Variants in GPBP1L1 observed in about 807,000 individuals in gnomAD.
The protein encoded by GPBP1L1 is GC-rich promoter binding protein 1 like 1, also known as vasculin-like protein 1.
A neutral mutation model predicts 52.5 loss-of-function variants in GPBP1L1; 23 were observed. That is an observed-to-expected ratio of 0.44 (90% confidence interval 0.32 to 0.62). The LOEUF is 0.62. Ranked by LOEUF, GPBP1L1 falls within the 20% of genes least tolerant of loss-of-function variation. The probability of loss-of-function intolerance (pLI) is 0.06; values close to 1 mark genes in which losing one functional copy is unlikely to be tolerated. For synonymous variants in GPBP1L1, 243 were observed against 203.1 expected (o/e 1.20, Z -1.67); for missense variants, 596 against 579.3 (o/e 1.03, Z -0.30).
At chr1:45,644,811 C>T (rs1346121711) in intron 6 of GPBP1L1, among the ~76,000 whole-genome samples, 1 of 152,112 alleles carries the variant, frequency 6.6e-6, no homozygotes, top group Non-Finnish European at 1.5e-5. Flanking sequence ...AAACTGTCAG[C>T]TCAATACAAG....
chr1:45,638,859 G>T (rs977061065), intron 8 of GPBP1L1, among the ~76,000 whole-genome samples: 4 of 152,076 alleles, frequency 2.6e-5, no homozygotes, highest in African/African-American at 9.7e-5. Context: ...TTCTTCCCGG[G>T]TAAGAGAAAA....
chr1:45,637,533 C>CTTTTTTTTTTTTTTTTTTTTTTTTTTTTT (rs1557696848), intron 8 of GPBP1L1, among the ~76,000 whole-genome samples: 5 of 151,934 alleles, frequency 3.3e-5, no homozygotes, highest in East Asian at 1.9e-4. Context: ...GAGCAGCAGC[C>CTTTTTTTTTTTTTTTTTTTTTTTTTTTTT]TTTATATTAG....
intron 6 of GPBP1L1, chr1:45,645,811 C>T (rs1424204424): frequency 7.1e-6 from 3 of 420,562 alleles, no homozygotes; most frequent in Admixed American, 3.1e-5. Flanking sequence ...ATATGTATTG[C>T]ATCCCTAGAA....
intron 2 of GPBP1L1, among the ~76,000 whole-genome samples, chr1:45,662,261 G>T (rs1019664903): frequency 3.9e-5 from 6 of 152,118 alleles, no homozygotes; most frequent in Non-Finnish European, 7.3e-5. Context: ...AGCTTCCCGA[G>T]TAACAAAAAC....
At chr1:45,657,912 A>G (rs1021762016) in intron 4 of GPBP1L1, among the ~76,000 whole-genome samples, 1 of 152,218 alleles carries the variant, frequency 6.6e-6, no homozygotes, top group African/African-American at 2.4e-5. Context: ...TCATGGGTCT[A>G]GATGAGACCA....
At chr1:45,680,073 C>CTG (rs1645194150) in intron 2 of GPBP1L1, among the ~76,000 whole-genome samples, 1 of 152,126 alleles carries the variant, frequency 6.6e-6, no homozygotes, top group Non-Finnish European at 1.5e-5. Flanking sequence ...GAGCAAGACC[C>CTG]TGTCTCTACA....
intron 6 of GPBP1L1, chr1:45,651,137 C>T (rs1158804599): frequency 2.6e-5 from 13 of 500,448 alleles, no homozygotes; most frequent in Non-Finnish European, 4.8e-5. Context: ...CAGATCTCAT[C>T]GTATCTGTCA....
chr1:45,675,306 AAAAT>A (rs1645126138), intron 2 of GPBP1L1, among the ~76,000 whole-genome samples: 1 of 151,998 alleles, frequency 6.6e-6, no homozygotes, highest in Non-Finnish European at 1.5e-5. Flanking sequence ...AAAAAAAATA[AAAAT>A]AAATAAATAA....
chr1:45,646,682 C>T (rs905945277), intron 6 of GPBP1L1, among the ~76,000 whole-genome samples: 7 of 151,848 alleles, frequency 4.6e-5, no homozygotes, highest in African/African-American at 1.5e-4. Flanking sequence ...CACAGCCTCC[C>T]GAGTAGCTAG....
Position 45,654,276 on chromosome 1 carries a change from A to C in GPBP1L1, c.477+267T>G, listed in dbSNP as rs191961079. ...GTACATTTTAACATAATTATATTTG[A>C]GTAAACTTTATAAGACTTAAGAGAA... On this transcript the variant is annotated intron_variant, in intron 6 of 12. Coordinates refer to ENST00000355105, the MANE Select transcript of GPBP1L1 (RefSeq NM_021639.5). 39 of 283,252 alleles carry C rather than the reference A, an allele frequency of 1.4e-4. No homozygotes were observed. The East Asian group carries it at 2.4e-3, about 17-fold the overall frequency. 17.5% of individuals were successfully genotyped at this position (283,252 alleles called of 1,614,324 possible). A position where few individuals can be genotyped will look rare whatever the true frequency, so the allele number is the denominator to read the frequency against.
chr1:45,646,035 T>C (rs1644741179), intron 6 of GPBP1L1: 2 of 504,274 alleles, frequency 4.0e-6, no homozygotes, highest in Admixed American at 2.1e-5. Context: ...AGCTCTGTTA[T>C]CATCAATGAT....
chr1:45,644,783 A>G (rs1200237373), intron 6 of GPBP1L1, among the ~76,000 whole-genome samples: 3 of 152,210 alleles, frequency 2.0e-5, no homozygotes, highest in African/African-American at 7.2e-5. Flanking sequence ...GCTGGCAGAC[A>G]CTGGTGCTCA....
chr1:45,677,138 C>A (rs1358610244), intron 2 of GPBP1L1, among the ~76,000 whole-genome samples: 1 of 151,876 alleles, frequency 6.6e-6, no homozygotes, highest in East Asian at 1.9e-4. Context: ...GAGTTTGAGA[C>A]CAGCTTGGCC....
At chr1:45,647,166 A>ATTTTTTT (rs778113669) in intron 6 of GPBP1L1, among the ~76,000 whole-genome samples, 14 of 112,630 alleles carry the variant, frequency 1.2e-4, no homozygotes, top group Admixed American at 1.9e-4. Flanking sequence ...ACTTCTTAGG[A>ATTTTTTT]TTTTTTTTTT....
chr1:45,665,140 A>ACAGGTCACACATGCCTGTAATCTCAGCTG, intron 2 of GPBP1L1, among the ~76,000 whole-genome samples: 3 of 152,110 alleles, frequency 2.0e-5, no homozygotes, highest in African/African-American at 7.2e-5. Context: ...AAATACAAAA[A>ACAGGTCACACATGCCTGTAATCTCAGCTG]TTCGCTGGGT....
At chr1:45,641,081 G>GA (rs1413297208) in intron 7 of GPBP1L1, among the ~76,000 whole-genome samples, 2 of 152,182 alleles carry the variant, frequency 1.3e-5, no homozygotes, top group East Asian at 3.9e-4. Flanking sequence ...TGAGAATAGA[G>GA]AGATGAGGTA....
chr1:45,649,952 C>G (rs778265108), intron 6 of GPBP1L1, among the ~76,000 whole-genome samples: 4 of 152,144 alleles, frequency 2.6e-5, no homozygotes, highest in Non-Finnish European at 4.4e-5. Context: ...ATTTCACCTG[C>G]AAACACAAAG....
At chr1:45,643,915 C>A (rs1165274847) in intron 6 of GPBP1L1, among the ~76,000 whole-genome samples, 1 of 152,052 alleles carries the variant, frequency 6.6e-6, no homozygotes, top group Middle Eastern at 3.2e-3. Flanking sequence ...GATCCACTCA[C>A]CTTGGCCTCC....
At chr1:45,644,944 G>T in intron 6 of GPBP1L1, among the ~76,000 whole-genome samples, 1 of 152,180 alleles carries the variant, frequency 6.6e-6, no homozygotes, top group East Asian at 1.9e-4. Flanking sequence ...ATACATGCTT[G>T]TTCCTAAGGT....
Sources: allele counts gnomAD v4.1 joint callset (sites outside exome capture counted in the v4.1 genomes callset), GRCh38; gene constraint gnomAD v4.1.1; transcripts MANE v1.5; gene names NCBI Gene and HGNC (gene_info 2026-07-23, HGNC 2026-07-21).